Variants in IMMP2L observed in about 807,000 individuals in gnomAD.
IMMP2L encodes the protein mitochondrial inner membrane protease subunit 2.
A neutral mutation model predicts 19.3 loss-of-function variants in IMMP2L; 18 were observed. The observed-to-expected ratio is 0.93, with a 90% CI of 0.64 to 1.38. The LOEUF (loss-of-function observed/expected upper bound fraction) is 1.38. Among genes scored for constraint, IMMP2L ranks in the 40% most tolerant of loss-of-function variants. The pLI is 0.00. For missense variants in IMMP2L, 233 were observed against 218.2 expected (o/e 1.07, Z -0.43); for synonymous variants, 76 against 73.0 (o/e 1.04, Z -0.21).
intron 4 of IMMP2L, among the ~76,000 whole-genome samples, chr7:110,934,214 T>C (rs939953641): frequency 9.2e-5 from 14 of 152,220 alleles, no homozygotes; most frequent in African/African-American, 2.4e-4. Context: ...CTGCTTGTTA[T>C]GATTTCTATT....
intron 4 of IMMP2L, among the ~76,000 whole-genome samples, chr7:110,960,410 T>C (rs1818811642): frequency 6.6e-6 from 1 of 151,958 alleles, no homozygotes; most frequent in Non-Finnish European, 1.5e-5. Context: ...TTTCTGTTTC[T>C]AGGAATTCAC....
intron 3 of IMMP2L, among the ~76,000 whole-genome samples, chr7:111,079,560 A>C (rs1234593364): frequency 6.6e-6 from 1 of 152,248 alleles, no homozygotes. Flanking sequence ...CAATGTCCCA[A>C]ATCGCACATG....
intron 3 of IMMP2L, among the ~76,000 whole-genome samples, chr7:111,276,530 CTTCT>C (rs1392377636): frequency 6.7e-6 from 1 of 150,120 alleles, no homozygotes; most frequent in Non-Finnish European, 1.5e-5. Context: ...GGTATTAGTT[CTTCT>C]TTATTATTTG....
At chr7:111,222,582 G>A (rs1226442410) in intron 3 of IMMP2L, among the ~76,000 whole-genome samples, 1 of 151,880 alleles carries the variant, frequency 6.6e-6, no homozygotes, top group Non-Finnish European at 1.5e-5. Context: ...TTCAGCCTCA[G>A]TAGTAATCAG....
intron 3 of IMMP2L, among the ~76,000 whole-genome samples, chr7:111,048,307 C>T (rs1298077878): frequency 6.6e-6 from 1 of 151,294 alleles, no homozygotes; most frequent in African/African-American, 2.4e-5. Context: ...GCTGCTTCCC[C>T]TTTACTAGTT....
At chr7:111,459,776 G>A (rs1839979330) in intron 3 of IMMP2L, among the ~76,000 whole-genome samples, 1 of 151,980 alleles carries the variant, frequency 6.6e-6, no homozygotes, top group African/African-American at 2.4e-5. Context: ...CCTTTTTACT[G>A]ATCAGAAATT....
At chr7:110,734,724 CA>C (rs1562944977) in intron 5 of IMMP2L, among the ~76,000 whole-genome samples, 1 of 11,772 alleles carries the variant, frequency 8.5e-5, no homozygotes. Context: ...TTGTTTCAAA[CA>C]AACAAACAAA....
At chr7:110,825,544 C>T (rs1803403787) in intron 5 of IMMP2L, among the ~76,000 whole-genome samples, 1 of 152,074 alleles carries the variant, frequency 6.6e-6, no homozygotes. Context: ...ACATCTACAA[C>T]CATCTGATCT....
At chr7:110,672,913 A>G (rs1048524417) in intron 5 of IMMP2L, among the ~76,000 whole-genome samples, 1 of 152,142 alleles carries the variant, frequency 6.6e-6, no homozygotes, top group Non-Finnish European at 1.5e-5. Flanking sequence ...CAGGTGCACA[A>G]TGCAAGCTGT....
chr7:111,061,106 A>G (rs2129574457), intron 3 of IMMP2L, among the ~76,000 whole-genome samples: 1 of 152,356 alleles, frequency 6.6e-6, no homozygotes, highest in South Asian at 2.1e-4. Context: ...CTGGCTATTT[A>G]ATCACCTGAG....
At chr7:111,029,233 T>C (rs937051661) in intron 3 of IMMP2L, among the ~76,000 whole-genome samples, 4 of 152,130 alleles carry the variant, frequency 2.6e-5, no homozygotes, top group Non-Finnish European at 5.9e-5. Context: ...ACAGCTTTCA[T>C]GGGACATAGT....
chr7:111,384,104 A>G (rs1310419902), intron 3 of IMMP2L, among the ~76,000 whole-genome samples: 1 of 152,018 alleles, frequency 6.6e-6, no homozygotes, highest in African/African-American at 2.4e-5. Flanking sequence ...TAACTATACC[A>G]GTGCACTCCA....
intron 3 of IMMP2L, among the ~76,000 whole-genome samples, chr7:111,312,196 A>G (rs1373410330): frequency 2.0e-5 from 3 of 152,146 alleles, no homozygotes; most frequent in African/African-American, 7.2e-5. Context: ...AGAAAGAAGA[A>G]GAGGTTGGTT....
At chr7:110,807,385 A>G (rs1028557787) in intron 5 of IMMP2L, among the ~76,000 whole-genome samples, 2 of 152,034 alleles carry the variant, frequency 1.3e-5, no homozygotes, top group Admixed American at 1.3e-4. Flanking sequence ...GTGTGTTAAA[A>G]AATACAAACA....
chr7:111,507,212 C>G (rs1182459821), intron 2 of IMMP2L, among the ~76,000 whole-genome samples: 2 of 152,146 alleles, frequency 1.3e-5, no homozygotes, highest in Non-Finnish European at 2.9e-5. Flanking sequence ...TTTTGAGGAT[C>G]TTTTGCCTGC....
chr7:110,988,942 T>A (rs1822149782), intron 3 of IMMP2L, among the ~76,000 whole-genome samples: 1 of 151,976 alleles, frequency 6.6e-6, no homozygotes, highest in Admixed American at 6.6e-5. Context: ...AGATAGACAT[T>A]AATATGTTCT....
intron 3 of IMMP2L, among the ~76,000 whole-genome samples, chr7:111,441,630 AAC>A (rs1222819341): frequency 6.6e-6 from 1 of 151,608 alleles, no homozygotes; most frequent in Non-Finnish European, 1.5e-5. Flanking sequence ...TTACCAATGT[AAC>A]ACAGAGACAT....
At chr7:111,047,175 GTTTTTTTTTTGT>G (rs796230748) in intron 3 of IMMP2L, among the ~76,000 whole-genome samples, 1 of 146,744 alleles carries the variant, frequency 6.8e-6, no homozygotes, top group African/African-American at 2.7e-5. Context: ...TGTCTTTTTT[GTTTTTTTTTTGT>G]TTTTTTTTTG....
At chr7:111,381,757 C>T (rs1831225408) in intron 3 of IMMP2L, among the ~76,000 whole-genome samples, 1 of 151,864 alleles carries the variant, frequency 6.6e-6, no homozygotes, top group Admixed American at 6.6e-5. Flanking sequence ...AGAGAGAAGG[C>T]ATTTGTTCAT....
Sources: gnomAD v4.1 joint callset for allele counts (sites outside exome capture counted in the v4.1 genomes callset) on GRCh38, gnomAD v4.1.1 for gene constraint, MANE v1.5 for transcripts, NCBI Gene and HGNC (gene_info 2026-07-23, HGNC 2026-07-21) for gene names.